The following SH3TC2 variants were observed in gnomAD, a reference collection of about 807,000 sequenced individuals.
SH3TC2 encodes the protein SH3 domain and tetratricopeptide repeat-containing protein 2.
Under a neutral mutation model 124.5 loss-of-function variants are expected in SH3TC2, and 87 were observed. The observed-to-expected ratio is 0.70, with a 90% CI of 0.59 to 0.84. The LOEUF is 0.84. Ranked by LOEUF, SH3TC2 falls within the 40% of genes least tolerant of loss-of-function variation. The pLI is 0.00. For missense variants in SH3TC2, 1,536 were observed against 1,566.4 expected, an observed-to-expected ratio of 0.98 and a Z score of 0.33; for synonymous variants, 634 against 628.5, an observed-to-expected ratio of 1.01 and a Z score of -0.13.
rs1168074377 is a variant in SH3TC2, at chr5:148,995,240, T to C, written c.*9471A>G. 6.6e-6 allele frequency among the ~76,000 whole-genome samples: 1 copy of C among 152,246 alleles called. No individual in the cohort carries two copies. The highest frequency in any genetic ancestry group is 2.4e-5 in the African/African-American group (1 of 41,466). On this transcript the variant is annotated 3_prime_UTR_variant, in exon 17 of 17. Coordinates refer to ENST00000515425, the MANE Select transcript of SH3TC2 (RefSeq NM_024577.4). Reference sequence around the variant, plus strand: ...AGAATTACATAATTATATAAAGCACTGATTTTCCAGGTCAGACAAAAGTGA... The same window carrying C: ...AGAATTACATAATTATATAAAGCACCGATTTTCCAGGTCAGACAAAAGTGA...
In SH3TC2 at chr5:148,989,389, T is replaced by C. The variant is rs903964728; in HGVS notation, c.*15322A>G. Among the ~76,000 whole-genome samples the C allele has an allele frequency of 5.9e-5, 9 of 152,242 alleles. No individual in the cohort carries two copies. The highest frequency in any genetic ancestry group is 2.2e-4 in the African/African-American group (9 of 41,460). On this transcript the variant is annotated 3_prime_UTR_variant, in exon 17 of 17. Coordinates refer to ENST00000515425, the MANE Select transcript of SH3TC2 (RefSeq NM_024577.4). ...TAATGCTACACAGATACTAAGCACT[T>C]TGAGACAAGATTTGAACCTAGGTCT... is the stretch of plus-strand genomic sequence containing the variant.
At chr5:149,062,895 C>A in intron 1 of SH3TC2, 76 bp downstream of exon 1, 2 of 1,412,908 alleles carry the variant, frequency 1.4e-6, no homozygotes, top group Non-Finnish European at 2.0e-6. Flanking sequence ...TTTCTCCAAC[C>A]CAGCAGGTCC....
Position 148,994,600 on chromosome 5 carries a change from A to G in SH3TC2, c.*10111T>C, listed in dbSNP as rs943889013. Among the ~76,000 whole-genome samples, 91 of 140,560 alleles carry G rather than the reference A, an allele frequency of 6.5e-4. No individual in the cohort carries two copies. Among genetic ancestry groups the G allele is most frequent in the Non-Finnish European group, 1.0e-3 (66 of 64,832 alleles). The allele number at this position is 140,560 out of a possible 152,430, so 92.2% of individuals were successfully genotyped here. On this transcript the variant is annotated 3_prime_UTR_variant, in exon 17 of 17. Coordinates refer to ENST00000515425, the MANE Select transcript of SH3TC2 (RefSeq NM_024577.4). ...GGTATGTGGGTGGTTGGGTGGTTAG[A>G]TGGTTGGTTGGTTGGTTGGTTGGTT...
At chr5:149,054,060 AC>A (rs1160590324) in intron 1 of SH3TC2, among the ~76,000 whole-genome samples, 1 of 152,220 alleles carries the variant, frequency 6.6e-6, no homozygotes, top group Non-Finnish European at 1.5e-5. Context: ...ATTGCTTGCA[AC>A]AAAAAGAAAA....
rs1306248918 is a variant in SH3TC2, at chr5:149,012,735, C to A, written c.3054-1G>T. On this transcript the variant is annotated splice_acceptor_variant, in intron 12 of 16. Coordinates refer to ENST00000515425, the MANE Select transcript of SH3TC2 (RefSeq NM_024577.4). LOFTEE classifies it high-confidence loss of function. ...GCATGTGAGTGACCTCCTGAGGGAC[C>A]TGGGGACAGACATGAACTTGTGAGG... 6.2e-7 allele frequency: 1 copy of A among 1,614,078 alleles called. No individual in the cohort carries two copies.
rs1753657850 is a variant in SH3TC2, at chr5:149,004,799, A to C, written c.3779T>G (p.Ile1260Ser). 1 of 1,614,118 alleles carries C rather than the reference A, an allele frequency of 6.2e-7. No individual in the cohort carries two copies. The highest frequency in any genetic ancestry group is 8.5e-7 in the Non-Finnish European group (1 of 1,180,030). ...GCTGTGCCACAGGGGGCTCTGGCAG[A>C]TGTTGTCCAGCCTGCTCCTAATGGT... ...QDTIRSRLDN[I>S]CQSPLWHSRP... The change falls in exon 17 of 17, where the codon ATC becomes AGC. Residue 1260 changes from isoleucine (I) to serine (S), a missense_variant. Ile to Ser is a moderately radical substitution (Grantham distance 142, BLOSUM62 -2). This residue lies in a region of SH3TC2 where 426 missense variants were observed against 443.5 expected (regional missense o/e 0.96). Transcript: ENST00000515425.
At position 148,994,600 on chromosome 5, in the gene SH3TC2, ATGGTTGGTTGGT is replaced by A. The variant is rs57301725; in HGVS notation, c.*10099_*10110del. Among the ~76,000 whole-genome samples, 11,191 of 140,558 alleles carry A rather than the reference ATGGTTGGTTGGT, an allele frequency of 0.08. 637 individuals carry two copies. Among genetic ancestry groups the A allele is most frequent in the African/African-American group, 0.16 (6,163 of 37,552 alleles). 92.2% of individuals were successfully genotyped at this position (140,558 alleles called of 152,430 possible). A position where few individuals can be genotyped will look rare whatever the true frequency, so the allele number is the denominator to read the frequency against. On this transcript the variant is annotated 3_prime_UTR_variant, in exon 17 of 17. Transcript: ENST00000515425. The stretch of plus-strand genomic sequence containing the variant: ...GGTATGTGGGTGGTTGGGTGGTTAG[ATGGTTGGTTGGT>A]TGGTTGGTTGGTTGGTTGGTTGGTT...
rs769382913 is a variant in SH3TC2, at chr5:148,991,674, C to T, written c.*13037G>A. Among the ~76,000 whole-genome samples the T allele has an allele frequency of 1.8e-4, 27 of 152,268 alleles. No homozygotes were observed. The highest frequency in any genetic ancestry group is 3.5e-4 in the Non-Finnish European group (24 of 68,018). ...GGCCAGTCAGCTGGGGTCACAAAAG[C>T]CTTGTAATTAGAATCAGTGTGACTA... is the stretch of plus-strand genomic sequence containing the variant. On this transcript the variant is annotated 3_prime_UTR_variant, in exon 17 of 17. Coordinates refer to ENST00000515425, the MANE Select transcript of SH3TC2 (RefSeq NM_024577.4).
rs949501002 is a variant in SH3TC2, at chr5:148,997,841, T to C, written c.*6870A>G. Among the ~76,000 whole-genome samples, 1 of 152,230 alleles carries C rather than the reference T, an allele frequency of 6.6e-6. No individual in the cohort carries two copies. The highest frequency in any genetic ancestry group is 1.5e-5 in the Non-Finnish European group (1 of 68,032). ...TAATAGTAACTACACCAAAATGTTGTGTGATTACATGAGAGTCATCACAAA... is the reference window on the plus strand; with the variant it reads ...TAATAGTAACTACACCAAAATGTTGCGTGATTACATGAGAGTCATCACAAA... On this transcript the variant is annotated 3_prime_UTR_variant, in exon 17 of 17. Transcript: ENST00000515425.
In SH3TC2 at chr5:149,027,218, G is replaced by A. The variant is rs775155644; in HGVS notation, c.2514C>T (p.Ile838=). 6.2e-6 allele frequency: 10 copies of A among 1,614,218 alleles called. No homozygotes were observed. The East Asian group carries it at 2.0e-4, about 32-fold the overall frequency. The change falls in exon 11 of 17, where the codon ATC becomes ATT. Residue 838 remains isoleucine (I), a synonymous_variant. Coordinates refer to ENST00000515425, the MANE Select transcript of SH3TC2 (RefSeq NM_024577.4). ...GGAGTGCAAGTCCCAGGAGGTTATA[G>A]ATGACTCCCCTTTGAGTGAGACTCT... The part of the protein sequence containing the change: ...ETESLTQRGV[I]YNLLGLALQG...
In SH3TC2 at chr5:149,009,008, A is replaced by G. The variant is rs2127392520; in HGVS notation, c.3328-7T>C. On this transcript the variant is annotated splice_region_variant and splice_polypyrimidine_tract_variant and intron_variant, in intron 14 of 16. Coordinates refer to ENST00000515425, the MANE Select transcript of SH3TC2 (RefSeq NM_024577.4). The stretch of plus-strand genomic sequence containing the variant: ...CTAAAGGAACAGCTCCAGCCTAGGA[A>G]CAGAAGCCCAAGGAACCTTAGTCTA... 1.9e-6 allele frequency: 3 copies of G among 1,614,174 alleles called. No homozygotes were observed. Among genetic ancestry groups the G allele is most frequent in the Non-Finnish European group, 2.5e-6 (3 of 1,180,018 alleles).
At chr5:149,042,615 T>G in intron 5 of SH3TC2, 79 bp downstream of exon 5, 1 of 1,576,736 alleles carries the variant, frequency 6.3e-7, no homozygotes, top group Non-Finnish European at 8.7e-7. Context: ...TTTCCCTCCC[T>G]TTGCATCCTG....
chr5:149,021,916 T>C (rs1322176459), intron 12 of SH3TC2, among the ~76,000 whole-genome samples: 1 of 23,476 alleles, frequency 4.3e-5, no homozygotes, highest in Non-Finnish European at 6.7e-5. Context: ...TTTTTTTTTT[T>C]TTTTTTTTTT....
chr5:149,008,802 G>T (rs745903411), intron 15 of SH3TC2, 49 bp downstream of exon 15: 10 of 1,612,112 alleles, frequency 6.2e-6, no homozygotes, highest in Non-Finnish European at 7.6e-6. Flanking sequence ...GTCTATCCTT[G>T]ACTAATCACC....
chr5:149,034,852 G>A (rs1372151496), intron 8 of SH3TC2, among the ~76,000 whole-genome samples: 1 of 152,106 alleles, frequency 6.6e-6, no homozygotes, highest in East Asian at 1.9e-4. Context: ...CTGGCAACAT[G>A]GATTTGCAAT....
chr5:149,057,844 G>A (rs963097555), intron 1 of SH3TC2, among the ~76,000 whole-genome samples: 4 of 152,142 alleles, frequency 2.6e-5, no homozygotes, highest in Non-Finnish European at 5.9e-5. Context: ...TCTCTCCCTA[G>A]CTCCAAAAGT....
intron 9 of SH3TC2, among the ~76,000 whole-genome samples, chr5:149,030,144 C>G (rs1754158650): frequency 2.6e-5 from 4 of 152,206 alleles, no homozygotes; most frequent in Admixed American, 1.3e-4. Context: ...GTACACGCCC[C>G]TCTTGGGCCA....
Position 148,997,463 on chromosome 5 carries a change from A to T in SH3TC2, c.*7248T>A, listed in dbSNP as rs573232906. Among the ~76,000 whole-genome samples, 2 of 152,362 alleles carry T rather than the reference A, an allele frequency of 1.3e-5. No homozygotes were observed. Among genetic ancestry groups the T allele is most frequent in the South Asian group, 4.1e-4 (2 of 4,830 alleles). ...AGGCTAAGTTACCTGACTGTGGTCA[A>T]CAATAACACCAGTATTTCTTTTTCA... On this transcript the variant is annotated 3_prime_UTR_variant, in exon 17 of 17. Transcript: ENST00000515425.
rs114449592 is a variant in SH3TC2, at chr5:149,050,853, G to A, written c.151+1289C>T. Among the ~76,000 whole-genome samples, 271 of 152,268 alleles carry A rather than the reference G, an allele frequency of 1.8e-3. 1 individual carries two copies. The highest frequency in any genetic ancestry group is 6.2e-3 in the African/African-American group (257 of 41,538). ...ACAAGTCTATATTTTGTATTACAGG[G>A]AGAGCTATATTTTTGGAGGGTGAAG... On this transcript the variant is annotated intron_variant, in intron 2 of 16. Transcript: ENST00000515425.
Sources: allele counts gnomAD v4.1 joint callset (sites outside exome capture counted in the v4.1 genomes callset), GRCh38; gene constraint gnomAD v4.1.1; regional missense constraint gnomAD v4.1.1; transcripts MANE v1.5; gene names NCBI Gene and HGNC (gene_info 2026-07-23, HGNC 2026-07-21).